The following DAB1 variants were observed in gnomAD, a reference collection of about 807,000 sequenced individuals.
DAB1 encodes DAB adaptor protein 1.
Under a neutral mutation model 64.6 loss-of-function variants are expected in DAB1, and 15 were observed. That is an observed-to-expected ratio of 0.23 (90% CI 0.16 to 0.36). DAB1 has a LOEUF of 0.36. Ranked by LOEUF, DAB1 falls within the 10% of genes least tolerant of loss-of-function variation. The pLI is 1.00. For missense variants in DAB1, 596 were observed against 706.7 expected (o/e 0.84, Z 1.78); for synonymous variants, 235 against 251.9 (o/e 0.93, Z 0.64).
chr1:58,309,034 A>G (rs905829556), intron 4 of DAB1, among the ~76,000 whole-genome samples: 5 of 152,152 alleles, frequency 3.3e-5, no homozygotes, highest in Admixed American at 3.3e-4. Context: ...GAGATGAGAG[A>G]GACTGGAATT....
chr1:57,576,561 G>C (rs1482832363), intron 7 of DAB1, among the ~76,000 whole-genome samples: 1 of 152,180 alleles, frequency 6.6e-6, no homozygotes, highest in Non-Finnish European at 1.5e-5. Context: ...GAAGAGACAA[G>C]GAAGGATTAT....
intron 3 of DAB1, among the ~76,000 whole-genome samples, chr1:58,497,030 T>C (rs1645814024): frequency 6.6e-6 from 1 of 152,190 alleles, no homozygotes; most frequent in Non-Finnish European, 1.5e-5. Context: ...CAGCCAGGTA[T>C]TAAGAGACTT....
intron 8 of DAB1, among the ~76,000 whole-genome samples, chr1:57,065,653 T>C (rs1053566419): frequency 1.3e-5 from 2 of 152,224 alleles, no homozygotes; most frequent in African/African-American, 4.8e-5. Flanking sequence ...TGCTTAGCTG[T>C]ACCATTCTGT....
intron 5 of DAB1, among the ~76,000 whole-genome samples, chr1:57,899,580 G>T (rs909558203): frequency 2.6e-5 from 4 of 152,002 alleles, no homozygotes; most frequent in African/African-American, 9.7e-5. Flanking sequence ...ACCCTACCCT[G>T]AGACCGCAAA....
At chr1:57,230,678 G>GAA (rs1325220181) in intron 2 of DAB1, among the ~76,000 whole-genome samples, 1 of 99,560 alleles carries the variant, frequency 1.0e-5, no homozygotes, top group East Asian at 4.7e-4. Context: ...GTGATATTTT[G>GAA]ACACATATAT....
At chr1:57,120,134 G>A (rs1162611275) in intron 4 of DAB1, among the ~76,000 whole-genome samples, 1 of 152,134 alleles carries the variant, frequency 6.6e-6, no homozygotes, top group Non-Finnish European at 1.5e-5. Context: ...TTGGGCTGGA[G>A]TTGACAACAC....
chr1:58,415,432 G>A (rs1486773565), intron 3 of DAB1: 2 of 244,080 alleles, frequency 8.2e-6, no homozygotes, highest in African/African-American at 2.3e-5. Context: ...TTAGGTGTAG[G>A]TTCCACTGGG....
intron 2 of DAB1, among the ~76,000 whole-genome samples, chr1:57,195,098 C>A (rs1664517360): frequency 6.6e-6 from 1 of 152,170 alleles, no homozygotes; most frequent in African/African-American, 2.4e-5. Context: ...TATACTCTTG[C>A]CTGATTTGGG....
At chr1:57,425,966 C>T (rs1276035853), upstream of DAB1, among the ~76,000 whole-genome samples, 2 of 152,114 alleles carry the variant, frequency 1.3e-5, no homozygotes, top group Non-Finnish European at 2.9e-5. Flanking sequence ...AGTCTAAACT[C>T]AATACTGAGG....
intron 5 of DAB1, among the ~76,000 whole-genome samples, chr1:58,098,450 C>T (rs1015647980): frequency 2.6e-5 from 4 of 152,110 alleles, no homozygotes; most frequent in Non-Finnish European, 2.9e-5. Flanking sequence ...CACCATAGGC[C>T]AGTAATGAGA....
At chr1:57,954,484 A>C (rs1645344982) in intron 5 of DAB1, among the ~76,000 whole-genome samples, 1 of 152,124 alleles carries the variant, frequency 6.6e-6, no homozygotes, top group African/African-American at 2.4e-5. Context: ...CTTCAGCCTC[A>C]AGAAGAAAGC....
intron 5 of DAB1, among the ~76,000 whole-genome samples, chr1:57,910,079 G>C (rs975352181): frequency 5.3e-5 from 8 of 152,214 alleles, no homozygotes; most frequent in Non-Finnish European, 1.2e-4. Context: ...AAGCGACCCA[G>C]CGATCATTCA....
intron 2 of DAB1, among the ~76,000 whole-genome samples, chr1:57,151,680 T>C (rs561625839): frequency 1.3e-5 from 2 of 151,996 alleles, no homozygotes; most frequent in East Asian, 1.9e-4. Context: ...TAATAATCTC[T>C]TAAATATTTT....
At chr1:57,330,246 C>CATAA (rs751093287) in intron 1 of DAB1, among the ~76,000 whole-genome samples, 9 of 152,088 alleles carry the variant, frequency 5.9e-5, no homozygotes, top group Non-Finnish European at 8.8e-5. Flanking sequence ...CCTTGTTCTT[C>CATAA]ATAAATAAAT....
At chr1:58,427,003 G>A (rs1032538252) in intron 3 of DAB1, among the ~76,000 whole-genome samples, 1 of 152,158 alleles carries the variant, frequency 6.6e-6, no homozygotes, top group Non-Finnish European at 1.5e-5. Flanking sequence ...GATATTTCTG[G>A]GAAGAGGAAC....
chr1:57,867,886 T>C (rs1381073979), intron 1 of DAB1, among the ~76,000 whole-genome samples: 4 of 152,138 alleles, frequency 2.6e-5, no homozygotes, highest in Non-Finnish European at 4.4e-5. Context: ...AATGAATCCC[T>C]GTTTTCCTCT....
At chr1:57,467,949 G>A (rs943804024) in intron 7 of DAB1, among the ~76,000 whole-genome samples, 1 of 152,096 alleles carries the variant, frequency 6.6e-6, no homozygotes, top group African/African-American at 2.4e-5. Flanking sequence ...TATTTATTGA[G>A]CTCAGAACAT....
intron 5 of DAB1, among the ~76,000 whole-genome samples, chr1:57,987,632 G>C (rs1187994): frequency 0.48 from 72,345 of 151,906 alleles, 18,215 homozygotes; most frequent in East Asian, 0.9. Context: ...GAGGTCCAAA[G>C]GAATGCTAAA....
intron 3 of DAB1, among the ~76,000 whole-genome samples, chr1:58,413,230 G>A (rs572064540): frequency 2.6e-5 from 4 of 152,174 alleles, no homozygotes; most frequent in Non-Finnish European, 2.9e-5. Flanking sequence ...GTCTGAAGAC[G>A]AACAGGGTCC....
Sources: allele counts gnomAD v4.1 joint callset (sites outside exome capture counted in the v4.1 genomes callset), GRCh38; gene constraint gnomAD v4.1.1; transcripts MANE v1.5; gene names NCBI Gene and HGNC (gene_info 2026-07-23, HGNC 2026-07-21).